Variants in FARS2 observed in about 807,000 individuals in gnomAD.
FARS2 encodes the protein phenylalanine--tRNA ligase, mitochondrial.
In FARS2, 40 loss-of-function variants were observed where a neutral mutation model predicts 46.4. The ratio of observed to expected loss-of-function variants is 0.86; its 90% confidence interval spans 0.67 to 1.12. FARS2 has a LOEUF of 1.12. FARS2 is among the 50% of genes most tolerant of loss of function. The pLI is 0.00. For missense variants in FARS2, 513 were observed against 567.9 expected (o/e 0.90, Z 0.98); for synonymous variants, 234 against 214.9 (o/e 1.09, Z -0.78).
At chr6:5,449,853 A>G (rs1422722529) in intron 4 of FARS2, among the ~76,000 whole-genome samples, 1 of 152,186 alleles carries the variant, frequency 6.6e-6, no homozygotes, top group African/African-American at 2.4e-5. Flanking sequence ...CAGGTTTTTC[A>G]GATTTGAGAT....
intron 6 of FARS2, among the ~76,000 whole-genome samples, chr6:5,737,985 C>T (rs1214984795): frequency 6.6e-6 from 1 of 152,232 alleles, no homozygotes; most frequent in Non-Finnish European, 1.5e-5. Flanking sequence ...ACATCTTGCT[C>T]TGTCACCCAC....
In FARS2 at chr6:5,734,072, T is replaced by G. The variant is rs76492461; in HGVS notation, c.1218-37219T>G. Among the ~76,000 whole-genome samples the G allele has an allele frequency of 8.2e-3, 1,246 of 152,302 alleles. 12 individuals carry two copies. Among genetic ancestry groups the G allele is most frequent in the Non-Finnish European group, 0.014 (972 of 68,026 alleles). ...TAAACTGGTGTAATAGCTAAGGGGT[T>G]TGGGATTGCCGAAACCTGCTGTGGA... is the stretch of plus-strand genomic sequence containing the variant. On this transcript the variant is annotated intron_variant, in intron 6 of 6. Coordinates refer to ENST00000274680, the MANE Select transcript of FARS2 (RefSeq NM_006567.5).
intron 4 of FARS2, among the ~76,000 whole-genome samples, chr6:5,439,811 C>T (rs767639639): frequency 1.3e-5 from 2 of 152,230 alleles, no homozygotes; most frequent in Non-Finnish European, 2.9e-5. Flanking sequence ...CTGTGAAACT[C>T]TGGCTCGCTT....
At chr6:5,275,882 T>TAA (rs1432509312) in intron 1 of FARS2, among the ~76,000 whole-genome samples, 1 of 152,178 alleles carries the variant, frequency 6.6e-6, no homozygotes, top group African/African-American at 2.4e-5. Flanking sequence ...TGCGTTACGA[T>TAA]ATATTCTCCC....
intron 1 of FARS2, among the ~76,000 whole-genome samples, chr6:5,318,387 CAAAAAAAA>C (rs753113504): frequency 0.02 from 1,580 of 77,216 alleles, 44 homozygotes; most frequent in African/African-American, 0.071. Flanking sequence ...AAAAAAAAAC[CAAAAAAAA>C]AAAAAAAAAA....
chr6:5,754,553 T>G (rs186910207), intron 6 of FARS2, among the ~76,000 whole-genome samples: 1 of 152,278 alleles, frequency 6.6e-6, no homozygotes, highest in Non-Finnish European at 1.5e-5. Flanking sequence ...ACTTCCTTTA[T>G]GAGTTCATTT....
intron 5 of FARS2, among the ~76,000 whole-genome samples, chr6:5,561,924 T>C (rs1045828770): frequency 1.3e-5 from 2 of 152,050 alleles, no homozygotes; most frequent in African/African-American, 4.8e-5. Flanking sequence ...CTTAATAATG[T>C]TTACTTTTTA....
At chr6:5,637,057 A>G (rs1776580574) in intron 6 of FARS2, among the ~76,000 whole-genome samples, 1 of 152,218 alleles carries the variant, frequency 6.6e-6, no homozygotes, top group South Asian at 2.1e-4. Flanking sequence ...AGGGGGCTTT[A>G]GGCAAGAGCA....
At chr6:5,572,299 G>C (rs1343110339) in intron 5 of FARS2, among the ~76,000 whole-genome samples, 1 of 152,094 alleles carries the variant, frequency 6.6e-6, no homozygotes, top group African/African-American at 2.4e-5. Context: ...GCAAGTGAGA[G>C]AGACAGTTGG....
intron 6 of FARS2, among the ~76,000 whole-genome samples, chr6:5,659,269 A>T (rs1159160113): frequency 1.3e-5 from 2 of 152,182 alleles, no homozygotes; most frequent in African/African-American, 4.8e-5. Context: ...CCAGAGAAAC[A>T]ACGCTTTTCC....
At chr6:5,403,048 G>A (rs545753785) in intron 2 of FARS2, among the ~76,000 whole-genome samples, 32 of 152,182 alleles carry the variant, frequency 2.1e-4, no homozygotes, top group African/African-American at 7.2e-4. Context: ...CCTGCCAAAG[G>A]CATTGTGTTC....
Position 5,545,730 on chromosome 6 carries a change from T to A in FARS2, c.1065+390T>A, listed in dbSNP as rs1217348809. On this transcript the variant is annotated intron_variant, in intron 5 of 6. Coordinates refer to ENST00000274680, the MANE Select transcript of FARS2 (RefSeq NM_006567.5). ...TGGTGTCTGGTTTTCTGTTTCTCTG[T>A]TAGTTTGCTGAGAATGATGGTTTCC... 3.9e-5 allele frequency among the ~76,000 whole-genome samples: 6 copies of A among 152,212 alleles called. No homozygotes were observed. The East Asian group carries it at 1.2e-3, about 29-fold the overall frequency.
chr6:5,687,876 T>G lies in FARS2; in HGVS notation c.1217+74556T>G, dbSNP rs534571917. Among the ~76,000 whole-genome samples, 185 of 152,358 alleles carry G rather than the reference T, an allele frequency of 1.2e-3. 1 individual carries two copies. Among genetic ancestry groups the G allele is most frequent in the Non-Finnish European group, 2.3e-3 (156 of 68,032 alleles). On this transcript the variant is annotated intron_variant, in intron 6 of 6. Coordinates refer to ENST00000274680, the MANE Select transcript of FARS2 (RefSeq NM_006567.5). ...TTGTTTGTATCCTCTTTTATTTCTT[T>G]GAGCAGTGGTTTGTAGTTCTCCTTG...
intron 4 of FARS2, among the ~76,000 whole-genome samples, chr6:5,523,650 G>A (rs1387528214): frequency 6.6e-6 from 1 of 152,174 alleles, no homozygotes; most frequent in Non-Finnish European, 1.5e-5. Flanking sequence ...CTCACAGACA[G>A]CTGCGGCGTG....
chr6:5,618,270 G>C (rs559501024), intron 6 of FARS2, among the ~76,000 whole-genome samples: 1 of 152,140 alleles, frequency 6.6e-6, no homozygotes, highest in African/African-American at 2.4e-5. Flanking sequence ...ATCCTTCCTT[G>C]AGCACCCTGT....
chr6:5,522,645 G>C (rs965740106), intron 4 of FARS2, among the ~76,000 whole-genome samples: 1 of 152,106 alleles, frequency 6.6e-6, no homozygotes, highest in Admixed American at 6.5e-5. Flanking sequence ...TCCTCCATCT[G>C]TTTTCTTTCT....
At chr6:5,360,151 A>G (rs149729918) in intron 1 of FARS2, among the ~76,000 whole-genome samples, 3 of 152,330 alleles carry the variant, frequency 2.0e-5, no homozygotes, top group East Asian at 3.9e-4. Context: ...CAGGCATTTC[A>G]TGTTACTTCA....
intron 1 of FARS2, among the ~76,000 whole-genome samples, chr6:5,302,423 G>A (rs1323334164): frequency 6.6e-6 from 1 of 152,048 alleles, no homozygotes; most frequent in African/African-American, 2.4e-5. Context: ...TTGGGTTATC[G>A]GATGACATGG....
chr6:5,510,419 T>C (rs1464654832), intron 4 of FARS2, among the ~76,000 whole-genome samples: 2 of 152,016 alleles, frequency 1.3e-5, no homozygotes, highest in African/African-American at 4.8e-5. Flanking sequence ...AAGCAGCCTC[T>C]CCCCTTCAGA....
Sources: gnomAD v4.1 joint callset for allele counts (sites outside exome capture counted in the v4.1 genomes callset) on GRCh38, gnomAD v4.1.1 for gene constraint, MANE v1.5 for transcripts, NCBI Gene and HGNC (gene_info 2026-07-23, HGNC 2026-07-21) for gene names.